Variants in MSRA observed in about 807,000 individuals in gnomAD.
The protein encoded by MSRA is mitochondrial peptide methionine sulfoxide reductase.
Under a neutral mutation model 31.3 loss-of-function variants are expected in MSRA, and 54 were observed. That is an observed-to-expected ratio of 1.73 (90% CI 1.39 to 2.17). The LOEUF (loss-of-function observed/expected upper bound fraction) is 2.17. MSRA is among the 30% of genes most tolerant of loss of function. MSRA has a pLI of 0.00. For missense variants in MSRA, 507 were observed against 300.9 expected, an observed-to-expected ratio of 1.69 and a Z score of -5.07; for synonymous variants, 169 against 116.5, an observed-to-expected ratio of 1.45 and a Z score of -2.90.
chr8:10,349,366 A>G (rs923428209), intron 5 of MSRA, among the ~76,000 whole-genome samples: 3 of 152,176 alleles, frequency 2.0e-5, no homozygotes, highest in African/African-American at 7.2e-5. Flanking sequence ...CTGTGGTTTT[A>G]TCATCCTCGG....
At chr8:10,248,932 C>A (rs1797772106) in intron 3 of MSRA, among the ~76,000 whole-genome samples, 1 of 152,176 alleles carries the variant, frequency 6.6e-6, no homozygotes, top group Non-Finnish European at 1.5e-5. Flanking sequence ...GATGGACAGT[C>A]ACTTGGAAGA....
intron 1 of MSRA, among the ~76,000 whole-genome samples, chr8:10,069,383 T>C (rs569976065): frequency 4.2e-4 from 64 of 152,314 alleles, no homozygotes; most frequent in Non-Finnish European, 4.0e-4. Context: ...GGTATGATAT[T>C]AGCTCTGGAT....
In MSRA at chr8:10,065,873, C is replaced by T. The variant is rs1414669868; in HGVS notation, c.142+11215C>T. 3.9e-5 allele frequency among the ~76,000 whole-genome samples: 6 copies of T among 151,918 alleles called. No homozygotes were observed. The South Asian group carries it at 8.3e-4, about 21-fold the overall frequency. On this transcript the variant is annotated intron_variant, in intron 1 of 5. Transcript: ENST00000317173. Reference sequence around the variant, plus strand: ...AGCCTCTGGTTTCTTGTCCCAGTGGCGCTAAGAGTCAACTCTTCTGCCTGA... The same window carrying T: ...AGCCTCTGGTTTCTTGTCCCAGTGGTGCTAAGAGTCAACTCTTCTGCCTGA...
chr8:10,216,008 G>A (rs1317067442), intron 2 of MSRA, among the ~76,000 whole-genome samples: 2 of 152,050 alleles, frequency 1.3e-5, no homozygotes, highest in East Asian at 1.9e-4. Flanking sequence ...AGAAACATAG[G>A]TATAGAGAAC....
chr8:10,100,129 C>T (rs958463822), intron 1 of MSRA, among the ~76,000 whole-genome samples: 1 of 152,172 alleles, frequency 6.6e-6, no homozygotes, highest in Non-Finnish European at 1.5e-5. Flanking sequence ...CTGGGTTAGA[C>T]TGCAATATCA....
intron 2 of MSRA, among the ~76,000 whole-genome samples, chr8:10,213,120 C>G (rs1024875017): frequency 6.6e-6 from 1 of 152,042 alleles, no homozygotes; most frequent in African/African-American, 2.4e-5. Context: ...CTATCAAATG[C>G]TAGGTCTCAT....
intron 4 of MSRA, among the ~76,000 whole-genome samples, chr8:10,303,177 G>T (rs996450798): frequency 6.6e-6 from 1 of 152,230 alleles, no homozygotes; most frequent in African/African-American, 2.4e-5. Flanking sequence ...TAGGTGACAG[G>T]TCGGGTCTGT....
At chr8:10,111,156 T>C (rs779518980) in intron 1 of MSRA, among the ~76,000 whole-genome samples, 4 of 152,162 alleles carry the variant, frequency 2.6e-5, no homozygotes, top group Non-Finnish European at 5.9e-5. Flanking sequence ...TCAACTTTGA[T>C]CATTTGGACC....
intron 5 of MSRA, among the ~76,000 whole-genome samples, chr8:10,355,593 C>T (rs538648460): frequency 2.0e-5 from 3 of 152,282 alleles, no homozygotes; most frequent in African/African-American, 7.2e-5. Flanking sequence ...TCAGTACATA[C>T]ATGGCAGGGG....
At chr8:10,392,968 A>G (rs2129180500) in intron 5 of MSRA, among the ~76,000 whole-genome samples, 2 of 144,948 alleles carry the variant, frequency 1.4e-5, no homozygotes, top group Middle Eastern at 7.4e-3. Flanking sequence ...AGGCTGAGGC[A>G]GGAGAATGGC....
At chr8:10,065,070 C>T (rs1034136925) in intron 1 of MSRA, among the ~76,000 whole-genome samples, 1 of 152,014 alleles carries the variant, frequency 6.6e-6, no homozygotes, top group African/African-American at 2.4e-5. Context: ...TCCTGAGAGG[C>T]AGTTTACAAA....
intron 3 of MSRA, among the ~76,000 whole-genome samples, chr8:10,264,760 C>A: frequency 1.3e-5 from 2 of 152,152 alleles, no homozygotes; most frequent in East Asian, 1.9e-4. Context: ...GCGAGGGAGA[C>A]AATCCTTTAT....
intron 4 of MSRA, among the ~76,000 whole-genome samples, chr8:10,316,832 T>C (rs1002284682): frequency 2.6e-5 from 4 of 152,130 alleles, no homozygotes; most frequent in Non-Finnish European, 5.9e-5. Context: ...TAGAGGCTCA[T>C]CCACCTAGGG....
chr8:10,356,509 G>C, intron 5 of MSRA, among the ~76,000 whole-genome samples: 1 of 152,196 alleles, frequency 6.6e-6, no homozygotes, highest in East Asian at 1.9e-4. Flanking sequence ...TCACCCAGGT[G>C]TGTGCTGTGG....
chr8:10,113,066 C>T (rs1312855838), intron 1 of MSRA, among the ~76,000 whole-genome samples: 2 of 152,100 alleles, frequency 1.3e-5, no homozygotes, highest in Non-Finnish European at 2.9e-5. Context: ...TCACAGGTAT[C>T]CTCCAAGAGC....
intron 5 of MSRA, among the ~76,000 whole-genome samples, chr8:10,419,997 C>T (rs1808714680): frequency 6.6e-6 from 1 of 152,152 alleles, no homozygotes; most frequent in Non-Finnish European, 1.5e-5. Flanking sequence ...AACGAGGTGT[C>T]TTTGTGGGGT....
intron 5 of MSRA, among the ~76,000 whole-genome samples, chr8:10,330,996 T>C (rs1802662660): frequency 6.6e-6 from 1 of 152,188 alleles, no homozygotes. Flanking sequence ...CTGCTGTCCT[T>C]ATACGAAGAG....
intron 2 of MSRA, among the ~76,000 whole-genome samples, chr8:10,217,999 G>T (rs990951961): frequency 6.6e-6 from 1 of 151,786 alleles, no homozygotes; most frequent in South Asian, 2.1e-4. Flanking sequence ...TTGACCGAAC[G>T]ATCATGTTCA....
chr8:10,417,229 A>G (rs1039381613), intron 5 of MSRA, among the ~76,000 whole-genome samples: 1 of 152,110 alleles, frequency 6.6e-6, no homozygotes, highest in African/African-American at 2.4e-5. Context: ...GGGGGCTTGT[A>G]AAGGCTTCAG....
Sources: gnomAD v4.1 joint callset for allele counts (sites outside exome capture counted in the v4.1 genomes callset) on GRCh38, gnomAD v4.1.1 for gene constraint, MANE v1.5 for transcripts, NCBI Gene and HGNC (gene_info 2026-07-23, HGNC 2026-07-21) for gene names.